TYRP1: variants seen among roughly 807,000 people sequenced by gnomAD.
The protein encoded by TYRP1 is 5,6-dihydroxyindole-2-carboxylic acid oxidase.
A neutral mutation model predicts 42.8 loss-of-function variants in TYRP1; 49 were observed. The observed-to-expected ratio is 1.14, with a 90% CI of 0.91 to 1.45. The LOEUF (loss-of-function observed/expected upper bound fraction) is 1.45. TYRP1 is among the 40% of genes most tolerant of loss of function. TYRP1 has a pLI of 0.00. For synonymous variants in TYRP1, 279 were observed against 235.4 expected, an observed-to-expected ratio of 1.19 and a Z score of -1.69; for missense variants, 848 against 662.0, an observed-to-expected ratio of 1.28 and a Z score of -3.08.
At position 12,695,850 on chromosome 9, in the gene TYRP1, C is replaced by G; in HGVS notation, c.708+13C>G. 6.2e-7 allele frequency: 1 copy of G among 1,613,224 alleles called. No individual in the cohort carries two copies. The highest frequency in any genetic ancestry group is 8.5e-7 in the Non-Finnish European group (1 of 1,179,710). On this transcript the variant is annotated intron_variant, in intron 3 of 7. Coordinates refer to ENST00000388918, the MANE Select transcript of TYRP1 (RefSeq NM_000550.3). ...GAAAGACATGCAGGTATGTAAGAAG[C>G]ATTTCAGTTTGCAGACTCTTTACAG...
chr9:12,703,330 C>A (rs1439574721), intron 5 of TYRP1, among the ~76,000 whole-genome samples: 1 of 151,870 alleles, frequency 6.6e-6, no homozygotes, highest in East Asian at 1.9e-4. Flanking sequence ...TTAATTCTCT[C>A]ACCTTTTAGT....
chr9:12,699,389 A>G (rs988991650), intron 4 of TYRP1, among the ~76,000 whole-genome samples: 9 of 151,586 alleles, frequency 5.9e-5, no homozygotes, highest in African/African-American at 1.5e-4. Context: ...ATTATTAGAC[A>G]CCCCCTACCT....
chr9:12,698,181 C>G (rs1435944553), intron 3 of TYRP1, among the ~76,000 whole-genome samples: 1 of 151,916 alleles, frequency 6.6e-6, no homozygotes, highest in Admixed American at 6.6e-5. Context: ...AAAAGAAGAC[C>G]CTTTATCCCT....
At position 12,709,123 on chromosome 9, in the gene TYRP1, T is replaced by TATC. The variant is rs1304854825; in HGVS notation, c.1557_1559dup (p.Tyr519_Gln520insHis). The TATC allele has an allele frequency of 6.2e-7, 1 of 1,612,682 alleles. No individual in the cohort carries two copies. Among genetic ancestry groups the TATC allele is most frequent in the Non-Finnish European group, 8.5e-7 (1 of 1,179,118 alleles). On this transcript the variant is annotated inframe_insertion, in exon 8 of 8. Transcript: ENST00000388918. ...TAACCAGCCTCTCCTCACTGATCAG[T>TATC]ATCAATGCTATGCTGAAGAATATGA...
At chr9:12,701,450 A>G (rs561269035) in intron 4 of TYRP1, among the ~76,000 whole-genome samples, 7 of 151,924 alleles carry the variant, frequency 4.6e-5, no homozygotes, top group African/African-American at 1.7e-4. Flanking sequence ...TTTTTTTGTT[A>G]CAGATAGGGG....
At position 12,694,075 on chromosome 9, in the gene TYRP1, CCAA is replaced by C; in HGVS notation, c.80_82del (p.Pro27del). On this transcript the variant is annotated inframe_deletion, in exon 2 of 8. Transcript: ENST00000388918. Reference sequence around the variant, plus strand: ...TTTTCAGCAGGCCCGGGCTCAATTCCCAAGACAGTGTGCCACTGTTGAGGCTTT... The same window carrying C: ...TTTTCAGCAGGCCCGGGCTCAATTCCGACAGTGTGCCACTGTTGAGGCTTT... The C allele has an allele frequency of 3.1e-6, 5 of 1,613,992 alleles. No individual in the cohort carries two copies. The highest frequency in any genetic ancestry group is 4.2e-6 in the Non-Finnish European group (5 of 1,180,008).
At position 12,709,797 on chromosome 9, in the gene TYRP1, G is replaced by C. The variant is rs1224594410; in HGVS notation, c.*615G>C. The C allele has an allele frequency of 6.6e-6, 1 of 152,570 alleles. No individual in the cohort carries two copies. The highest frequency in any genetic ancestry group is 2.4e-5 in the African/African-American group (1 of 41,356). The allele number at this position is 152,570 out of a possible 1,614,324, so 9.5% of individuals were successfully genotyped here. A position where few individuals can be genotyped will look rare whatever the true frequency, so the allele number is the denominator to read the frequency against. On this transcript the variant is annotated 3_prime_UTR_variant, in exon 8 of 8. Transcript: ENST00000388918. ...GGCTACAACAAAAATCACCATCTTT[G>C]TCAAACTTTGGAGAGGGAAAATCTT... is the stretch of plus-strand genomic sequence containing the variant.
intron 2 of TYRP1, 122 bp downstream of exon 2, chr9:12,694,503 T>C: frequency 4.7e-6 from 6 of 1,289,156 alleles, no homozygotes; most frequent in Non-Finnish European, 6.5e-6. Flanking sequence ...TCTCTTTTCA[T>C]AGTTGAGGAA....
intron 6 of TYRP1, among the ~76,000 whole-genome samples, chr9:12,706,285 G>A (rs1290621751): frequency 6.6e-6 from 1 of 151,940 alleles, no homozygotes; most frequent in Non-Finnish European, 1.5e-5. Flanking sequence ...AGAGGAAATG[G>A]AGACTATTCA....
At chr9:12,704,764 A>G in intron 6 of TYRP1, 59 bp downstream of exon 6, 3 of 1,531,068 alleles carry the variant, frequency 2.0e-6, no homozygotes, top group South Asian at 1.1e-5. Flanking sequence ...TAGATGGCAT[A>G]GTTATCAGTT....
intron 3 of TYRP1, 79 bp from the exon 4 acceptor site, chr9:12,698,372 A>T: frequency 7.4e-7 from 1 of 1,350,758 alleles, no homozygotes; most frequent in Non-Finnish European, 1.1e-6. Flanking sequence ...ATAGAAATAG[A>T]CTGTCAGAGA....
intron 5 of TYRP1, among the ~76,000 whole-genome samples, chr9:12,703,253 A>G (rs1818202253): frequency 6.6e-6 from 1 of 151,940 alleles, no homozygotes; most frequent in Admixed American, 6.6e-5. Context: ...CATCTCCCCA[A>G]AAAATGCAAA....
chr9:12,697,534 A>G (rs1232110084), intron 3 of TYRP1, among the ~76,000 whole-genome samples: 1 of 152,060 alleles, frequency 6.6e-6, no homozygotes, highest in East Asian at 1.9e-4. Flanking sequence ...AATGCTTCCT[A>G]GGAAGGGATT....
intron 5 of TYRP1, among the ~76,000 whole-genome samples, chr9:12,703,883 A>ATATGTGTGTGTG (rs141978563): frequency 1.7e-4 from 25 of 143,528 alleles, no homozygotes; most frequent in Non-Finnish European, 3.4e-4. Context: ...ATATATATAT[A>ATATGTGTGTGTG]TGTGTGTGTG....
chr9:12,699,881 T>G (rs77990455), intron 4 of TYRP1, among the ~76,000 whole-genome samples: 1 of 152,026 alleles, frequency 6.6e-6, no homozygotes, highest in Non-Finnish European at 1.5e-5. Context: ...ACAGTTTAAA[T>G]GAGTGAATGC....
intron 6 of TYRP1, chr9:12,707,784 A>T (rs1299377545): frequency 4.5e-6 from 2 of 441,766 alleles, no homozygotes; most frequent in Non-Finnish European, 7.9e-6. Context: ...TCTCTTTTTT[A>T]TTAAGTGGTA....
intron 6 of TYRP1, among the ~76,000 whole-genome samples, chr9:12,706,476 A>AT (rs927568675): frequency 6.6e-6 from 1 of 151,952 alleles, no homozygotes; most frequent in Admixed American, 6.6e-5. Flanking sequence ...CCTTTTGAAC[A>AT]TTTTTTTCTG....
intron 6 of TYRP1, among the ~76,000 whole-genome samples, chr9:12,707,367 ATTTTCTTCCTGAAAC>A (rs1818275200): frequency 6.6e-6 from 1 of 152,084 alleles, no homozygotes; most frequent in South Asian, 2.1e-4. Context: ...TCACCAACAA[ATTTTCTTCCTGAAAC>A]TTTTCTTCCT....
chr9:12,698,764 CTT>C (rs1818119280), intron 4 of TYRP1, 109 bp downstream of exon 4: 1 of 1,053,092 alleles, frequency 9.5e-7, no homozygotes, highest in African/African-American at 1.6e-5. Flanking sequence ...CTAAAATCTA[CTT>C]TTATTATAGA....
Sources: gnomAD v4.1 joint callset for allele counts (sites outside exome capture counted in the v4.1 genomes callset) on GRCh38, gnomAD v4.1.1 for gene constraint, MANE v1.5 for transcripts, NCBI Gene and HGNC (gene_info 2026-07-23, HGNC 2026-07-21) for gene names.